VKORC1L1: variants seen among roughly 807,000 people sequenced by gnomAD.
The protein encoded by VKORC1L1 is vitamin K epoxide reductase complex subunit 1-like protein 1.
A neutral mutation model predicts 18.9 loss-of-function variants in VKORC1L1; 2 were observed. The observed-to-expected ratio is 0.11, with a 90% CI of 0.04 to 0.33. VKORC1L1 has a LOEUF of 0.33. VKORC1L1 is among the 10% of genes least tolerant of loss of function. The probability of loss-of-function intolerance (pLI) is 1.00; values close to 1 mark genes in which losing one functional copy is unlikely to be tolerated. For synonymous variants in VKORC1L1, 96 were observed against 100.0 expected (o/e 0.96, Z 0.24); for missense variants, 123 against 224.1 (o/e 0.55, Z 2.88).
chr7:65,871,208 T>C (rs1390893742), upstream of VKORC1L1, among the ~76,000 whole-genome samples: 7 of 151,488 alleles, frequency 4.6e-5, no homozygotes, highest in African/African-American at 1.7e-4. Context: ...TTTTTCTTCT[T>C]TTTTTGAGAT....
chr7:65,908,132 G>A (rs989349433), intron 1 of VKORC1L1, among the ~76,000 whole-genome samples: 2 of 152,152 alleles, frequency 1.3e-5, no homozygotes, highest in African/African-American at 4.8e-5. Flanking sequence ...AATTTATTTG[G>A]CTGGGTGCTG....
intron 1 of VKORC1L1, among the ~76,000 whole-genome samples, chr7:65,909,878 C>T (rs1044907356): frequency 3.3e-5 from 5 of 151,876 alleles, no homozygotes; most frequent in Admixed American, 6.6e-5. Context: ...CCACCATGCC[C>T]GGCTAATTTT....
chr7:65,906,900 G>A (rs946089107), intron 1 of VKORC1L1, among the ~76,000 whole-genome samples: 7 of 152,122 alleles, frequency 4.6e-5, no homozygotes, highest in African/African-American at 1.7e-4. Flanking sequence ...CAGTGCTTAC[G>A]CTCAGGTTGG....
intron 1 of VKORC1L1, among the ~76,000 whole-genome samples, chr7:65,919,369 A>G (rs1484589206): frequency 6.6e-6 from 1 of 152,178 alleles, no homozygotes; most frequent in Non-Finnish European, 1.5e-5. Flanking sequence ...TCATATATCC[A>G]TTTGCCTCTC....
chr7:65,953,704 G>A (rs1790248882), intron 2 of VKORC1L1, among the ~76,000 whole-genome samples: 1 of 151,940 alleles, frequency 6.6e-6, no homozygotes, highest in Admixed American at 6.6e-5. Flanking sequence ...AGACCAGCCT[G>A]GCCAACAAAA....
intron 1 of VKORC1L1, among the ~76,000 whole-genome samples, chr7:65,899,844 A>G (rs1157234151): frequency 2.6e-5 from 4 of 152,126 alleles, no homozygotes; most frequent in Admixed American, 2.0e-4. Context: ...TACTAAAAAT[A>G]CAAAAATTAG....
At chr7:65,938,293 T>C (rs1789979724) in intron 1 of VKORC1L1, among the ~76,000 whole-genome samples, 1 of 152,232 alleles carries the variant, frequency 6.6e-6, no homozygotes, top group South Asian at 2.1e-4. Flanking sequence ...CACATAAAAT[T>C]AAACATATGT....
chr7:65,931,982 G>C (rs189452840), intron 1 of VKORC1L1, among the ~76,000 whole-genome samples: 7 of 152,006 alleles, frequency 4.6e-5, no homozygotes, highest in African/African-American at 1.7e-4. Context: ...ACCAGCCTTT[G>C]GTTTCATTTA....
chr7:65,951,535 T>C (rs1019794356), intron 2 of VKORC1L1, among the ~76,000 whole-genome samples: 1 of 151,454 alleles, frequency 6.6e-6, no homozygotes, highest in Non-Finnish European at 1.5e-5. Flanking sequence ...TGTCGCACCA[T>C]TGCACTCCAG....
chr7:65,916,207 C>A (rs1264111582), intron 1 of VKORC1L1, among the ~76,000 whole-genome samples: 1 of 151,456 alleles, frequency 6.6e-6, no homozygotes, highest in Non-Finnish European at 1.5e-5. Flanking sequence ...GGTTATGTGC[C>A]TGGTTTTTTT....
intron 1 of VKORC1L1, among the ~76,000 whole-genome samples, chr7:65,876,417 A>T (rs933037089): frequency 1.3e-5 from 2 of 151,412 alleles, no homozygotes; most frequent in Admixed American, 6.6e-5. Context: ...CAGGAGAATC[A>T]CTTGAACCTG....
chr7:65,933,027 G>A (rs1032415243), intron 1 of VKORC1L1, among the ~76,000 whole-genome samples: 85 of 145,162 alleles, frequency 5.9e-4, no homozygotes, highest in African/African-American at 2.1e-3. Context: ...GCAGTGAGCC[G>A]AGATCGCGCC....
Position 65,873,582 on chromosome 7 carries a change from A to T in VKORC1L1, c.194+17A>T. The T allele has an allele frequency of 6.8e-7, 1 of 1,473,680 alleles. No individual in the cohort carries two copies. Among genetic ancestry groups the T allele is most frequent in the Non-Finnish European group, 9.0e-7 (1 of 1,107,862 alleles). 91.3% of individuals were successfully genotyped at this position (1,473,680 alleles called of 1,614,324 possible). A position where few individuals can be genotyped will look rare whatever the true frequency, so the allele number is the denominator to read the frequency against. On this transcript the variant is annotated intron_variant, in intron 1 of 2. Coordinates refer to ENST00000360768, the MANE Select transcript of VKORC1L1 (RefSeq NM_173517.6). ...TGCCTCCAGGTAGCCGGCTTGGGGG[A>T]GTGGGCCAGGAGCGGCCGAGCGGGG... is the stretch of plus-strand genomic sequence containing the variant.
chr7:65,908,711 CCTATCTTCCCAG>C (rs1789447388), intron 1 of VKORC1L1, among the ~76,000 whole-genome samples: 1 of 150,984 alleles, frequency 6.6e-6, no homozygotes, highest in Admixed American at 6.6e-5. Context: ...GTGGCATGCA[CCTATCTTCCCAG>C]CTACTCAGGA....
chr7:65,926,835 A>G (rs1008887075), intron 1 of VKORC1L1, among the ~76,000 whole-genome samples: 3 of 152,234 alleles, frequency 2.0e-5, no homozygotes, highest in African/African-American at 7.2e-5. Flanking sequence ...CATTATCCTC[A>G]GTGAAGTAAC....
intron 1 of VKORC1L1, among the ~76,000 whole-genome samples, chr7:65,908,275 A>G (rs936417511): frequency 1.3e-5 from 2 of 152,116 alleles, no homozygotes; most frequent in Non-Finnish European, 2.9e-5. Context: ...TTAGCCGAGC[A>G]TGGTGGCGCA....
intron 1 of VKORC1L1, among the ~76,000 whole-genome samples, chr7:65,920,309 GT>G (rs1352857196): frequency 6.6e-6 from 1 of 152,076 alleles, no homozygotes; most frequent in East Asian, 1.9e-4. Flanking sequence ...TGTCTATTTT[GT>G]TTATTGTGTT....
rs1169232989 is a variant in VKORC1L1, at chr7:65,954,099, T to C, written c.330T>C (p.Ala110=). The part of the protein sequence containing the change: ...LLGMTASAVA[A]LILMTSSIMS... ...GCATGACAGCAAGCGCTGTGGCGGC[T>C]TTGATCCTCATGACGTCCTCCATCA... The change falls in exon 3 of 3, where the codon GCT becomes GCC. Residue 110 remains alanine (A), a synonymous_variant. Coordinates refer to ENST00000360768, the MANE Select transcript of VKORC1L1 (RefSeq NM_173517.6). 4.4e-6 allele frequency: 7 copies of C among 1,602,096 alleles called. No homozygotes were observed. Among genetic ancestry groups the C allele is most frequent in the African/African-American group, 4.0e-5 (3 of 74,734 alleles).
chr7:65,881,979 C>T (rs1308169067), intron 1 of VKORC1L1, among the ~76,000 whole-genome samples: 1 of 151,852 alleles, frequency 6.6e-6, no homozygotes, highest in Non-Finnish European at 1.5e-5. Context: ...ACCTGGGAGG[C>T]TGAGGCAGGA....
Sources: allele counts gnomAD v4.1 joint callset (sites outside exome capture counted in the v4.1 genomes callset), GRCh38; gene constraint gnomAD v4.1.1; transcripts MANE v1.5; gene names NCBI Gene and HGNC (gene_info 2026-07-23, HGNC 2026-07-21).